Variants in NDUFB5 observed in about 807,000 individuals in gnomAD.
NDUFB5 encodes the protein NADH:ubiquinone oxidoreductase subunit B5.
A neutral mutation model predicts 19.4 loss-of-function variants in NDUFB5; 19 were observed. The ratio of observed to expected loss-of-function variants is 0.98; its 90% CI spans 0.68 to 1.43. The LOEUF is 1.43. NDUFB5 is among the 40% of genes most tolerant of loss of function. NDUFB5 has a pLI of 0.00. For synonymous variants in NDUFB5, 80 were observed against 82.6 expected (o/e 0.97, Z 0.17); for missense variants, 233 against 236.5 (o/e 0.99, Z 0.10).
intron 1 of NDUFB5, among the ~76,000 whole-genome samples, chr3:179,610,365 T>A (rs1329870958): frequency 6.6e-6 from 1 of 152,192 alleles, no homozygotes; most frequent in Non-Finnish European, 1.5e-5. Context: ...AGTGCTGGGA[T>A]TACAGGAATG....
chr3:179,607,478 TA>T (rs1465632447), intron 1 of NDUFB5, among the ~76,000 whole-genome samples: 1 of 152,160 alleles, frequency 6.6e-6, no homozygotes, highest in Non-Finnish European at 1.5e-5. Flanking sequence ...TCCTCCTCTT[TA>T]AAAAAGATGA....
rs1424159526 is a variant in NDUFB5 at position 179,627,258 on chromosome 3, C to T, written c.*3218C>T. 1 of 152,012 alleles carries T rather than the reference C, an allele frequency of 6.6e-6. No homozygotes were observed. Among genetic ancestry groups the T allele is most frequent in the Non-Finnish European group, 1.5e-5 (1 of 68,012 alleles). The allele number at this position is 152,012 out of a possible 1,614,324, so 9.4% of individuals were successfully genotyped here. On this transcript the variant is annotated 3_prime_UTR_variant, in exon 6 of 6. Transcript: ENST00000259037. ...GAAACTCAGTTGTACGTAAGAAAAC[C>T]CAATTCCCCCTGAGAAAGAGAAAGA... is the stretch of plus-strand genomic sequence containing the variant.
At chr3:179,610,443 G>C (rs1349308722) in intron 1 of NDUFB5, among the ~76,000 whole-genome samples, 1 of 152,132 alleles carries the variant, frequency 6.6e-6, no homozygotes, top group Non-Finnish European at 1.5e-5. Context: ...TGAGTTTTCT[G>C]TGTGTTCTGA....
chr3:179,620,584 GT>G (rs1335361182), intron 5 of NDUFB5, among the ~76,000 whole-genome samples: 2 of 152,172 alleles, frequency 1.3e-5, no homozygotes, highest in Non-Finnish European at 2.9e-5. Flanking sequence ...GTACCATGCT[GT>G]TTTGGTTACT....
chr3:179,609,350 C>G (rs775130305), intron 1 of NDUFB5, among the ~76,000 whole-genome samples: 2 of 152,012 alleles, frequency 1.3e-5, no homozygotes, highest in East Asian at 3.9e-4. Context: ...AGAGAAAATA[C>G]GAAGATAGAG....
chr3:179,606,410 G>A (rs1719102701), intron 1 of NDUFB5, among the ~76,000 whole-genome samples: 1 of 151,890 alleles, frequency 6.6e-6, no homozygotes, highest in Admixed American at 6.6e-5. Flanking sequence ...GTGATCTTGG[G>A]TCACTGCAAC....
chr3:179,624,549 CTACACACA>C lies in NDUFB5; in HGVS notation c.*510_*517del, dbSNP rs1719619608. On this transcript the variant is annotated 3_prime_UTR_variant, in exon 6 of 6. Transcript: ENST00000259037. ...TTGCCATGTATTGTTCTTTTTTAAACTACACACAGACACACAGACACGTACACACACAC... is the reference window on the plus strand; with the variant it reads ...TTGCCATGTATTGTTCTTTTTTAAACGACACACAGACACGTACACACACAC... The C allele has an allele frequency of 1.1e-5, 1 of 90,716 alleles. No individual in the cohort carries two copies. Among genetic ancestry groups the C allele is most frequent in the Admixed American group, 1.1e-4 (1 of 9,182 alleles). The allele number at this position is 90,716 out of a possible 1,614,324, so 5.6% of individuals were successfully genotyped here. A position where few individuals can be genotyped will look rare whatever the true frequency, so the allele number is the denominator to read the frequency against.
At chr3:179,621,482 A>G (rs1719533189) in intron 5 of NDUFB5, among the ~76,000 whole-genome samples, 1 of 149,776 alleles carries the variant, frequency 6.7e-6, no homozygotes. Context: ...AGTAACTAAT[A>G]ATATTTTCTT....
At chr3:179,616,801 A>T (rs558708537) in intron 3 of NDUFB5, among the ~76,000 whole-genome samples, 182 bp from the exon 4 acceptor site, 3 of 152,346 alleles carry the variant, frequency 2.0e-5, no homozygotes, top group African/African-American at 7.2e-5. Context: ...AAAAATGTCT[A>T]ACAAATGAAT....
At position 179,607,232 on chromosome 3, in the gene NDUFB5, A is replaced by G. The variant is rs1267134753; in HGVS notation, c.124+2293A>G. Among the ~76,000 whole-genome samples, 7 of 152,304 alleles carry G rather than the reference A, an allele frequency of 4.6e-5. 1 individual carries two copies. In the Middle Eastern group the frequency reaches 0.014, roughly 296 times the overall value. Reference sequence around the variant, plus strand: ...TTTTCAGCTGTGTACCTGCTTTCAAAGGTATTTTGCATCTGTCACTGTGAT... The same window carrying G: ...TTTTCAGCTGTGTACCTGCTTTCAAGGGTATTTTGCATCTGTCACTGTGAT... On this transcript the variant is annotated intron_variant, in intron 1 of 5. Coordinates refer to ENST00000259037, the MANE Select transcript of NDUFB5 (RefSeq NM_002492.4).
chr3:179,619,222 A>G (rs1299822549), intron 5 of NDUFB5, among the ~76,000 whole-genome samples: 1 of 120,332 alleles, frequency 8.3e-6, no homozygotes, highest in Non-Finnish European at 1.7e-5. Flanking sequence ...TTTTAATTAT[A>G]CTTTAAGTTT....
chr3:179,617,318 A>G (rs1719408850), intron 4 of NDUFB5: 2 of 226,252 alleles, frequency 8.8e-6, no homozygotes, highest in South Asian at 1.4e-4. Context: ...TTGTATTTTT[A>G]GTAGAGACAG....
At position 179,624,571 on chromosome 3, in the gene NDUFB5, G is replaced by GAACACACACACACACACA; in HGVS notation, c.*531_*532insAACACACACACACACACA. On this transcript the variant is annotated 3_prime_UTR_variant, in exon 6 of 6. Transcript: ENST00000259037. ...AAACTACACACAGACACACAGACAC[G>GAACACACACACACACACA]TACACACACACACACACACACACAC... is the stretch of plus-strand genomic sequence containing the variant. 3.6e-5 allele frequency: 1 copy of GAACACACACACACACACA among 28,140 alleles called. No individual in the cohort carries two copies. The highest frequency in any genetic ancestry group is 2.4e-3 in the East Asian group (1 of 412). The allele number at this position is 28,140 out of a possible 1,614,324, so 1.7% of individuals were successfully genotyped here.
At chr3:179,605,377 C>A (rs1270760149) in intron 1 of NDUFB5, among the ~76,000 whole-genome samples, 1 of 152,158 alleles carries the variant, frequency 6.6e-6, no homozygotes, top group East Asian at 1.9e-4. Context: ...TCAGGGCCAA[C>A]TTATTCTTTA....
chr3:179,605,551 C>T (rs1220579736), intron 1 of NDUFB5, among the ~76,000 whole-genome samples: 2 of 151,594 alleles, frequency 1.3e-5, no homozygotes, highest in Non-Finnish European at 2.9e-5. Context: ...CTGCAACCTC[C>T]GCCTCCTGGG....
In NDUFB5 at chr3:179,618,466, A is replaced by G. The variant is rs1719440098; in HGVS notation, c.394A>G (p.Ile132Val). The G allele has an allele frequency of 6.2e-7, 1 of 1,612,390 alleles. No homozygotes were observed. ...TAATTTCTATGATAGTCCTGAAAAG[A>G]TATATGAAAGAACAATGGCCGTCCT... ...ARNFYDSPEKIYERTMAVLQI... is the reference protein window; with the variant it reads ...ARNFYDSPEKVYERTMAVLQI... The change falls in exon 5 of 6, where the codon ATA (isoleucine) becomes GTA (valine). Residue 132 changes from isoleucine to valine, a missense_variant. Transcript: ENST00000259037.
chr3:179,617,264 C>A, intron 4 of NDUFB5: 2 of 351,328 alleles, frequency 5.7e-6, no homozygotes, highest in Non-Finnish European at 1.0e-5. Flanking sequence ...CAGTCTCCCA[C>A]GTCGCTGGGA....
chr3:179,606,633 T>A (rs1719110724), intron 1 of NDUFB5, among the ~76,000 whole-genome samples: 1 of 152,196 alleles, frequency 6.6e-6, no homozygotes, highest in Non-Finnish European at 1.5e-5. Flanking sequence ...CCACCCCACC[T>A]GACCTCAAGC....
chr3:179,605,894 C>T (rs1719081507), intron 1 of NDUFB5, among the ~76,000 whole-genome samples: 1 of 151,916 alleles, frequency 6.6e-6, no homozygotes, highest in South Asian at 2.1e-4. Flanking sequence ...CGGGTTCAAG[C>T]GATTCTCCCG....
Sources: gnomAD v4.1 joint callset for allele counts (sites outside exome capture counted in the v4.1 genomes callset) on GRCh38, gnomAD v4.1.1 for gene constraint, MANE v1.5 for transcripts, NCBI Gene and HGNC (gene_info 2026-07-23, HGNC 2026-07-21) for gene names.